EYS: variants seen among roughly 807,000 people sequenced by gnomAD.
The protein encoded by EYS is EGF-like photoreceptor maintenance factor.
EYS carries 250 observed loss-of-function variants against 282.1 expected under a neutral mutation model. That is an observed-to-expected ratio of 0.89 (90% CI 0.80 to 0.98). The LOEUF is 0.98. Ranked by LOEUF, EYS falls within the 50% of genes least tolerant of loss-of-function variation. EYS has a pLI of 0.00. For missense variants in EYS, 4,016 were observed against 3,709.0 expected (o/e 1.08, Z -2.15); for synonymous variants, 1,355 against 1,282.9 (o/e 1.06, Z -1.20).
rs1331493670 is a variant in EYS, at chr6:64,686,759, A to G, written c.3444-60514T>C. 2.4e-4 allele frequency among the ~76,000 whole-genome samples: 4 copies of G among 16,598 alleles called. 1 individual carries two copies. Among genetic ancestry groups the G allele is most frequent in the Admixed American group, 1.2e-3 (2 of 1,708 alleles). The allele number at this position is 16,598 out of a possible 152,430, so 10.9% of individuals were successfully genotyped here. A position where few individuals can be genotyped will look rare whatever the true frequency, so the allele number is the denominator to read the frequency against. On this transcript the variant is annotated intron_variant, in intron 22 of 42. Transcript: ENST00000503581. The stretch of plus-strand genomic sequence containing the variant: ...TCCATCTAAATATATATATATATAT[A>G]TATGTGTGTATATATATATATATAT...
At chr6:64,492,766 A>C (rs1776777062) in intron 26 of EYS, among the ~76,000 whole-genome samples, 1 of 151,262 alleles carries the variant, frequency 6.6e-6, no homozygotes, top group Non-Finnish European at 1.5e-5. Context: ...AGACATGAGG[A>C]AGTAATGTAG....
chr6:65,412,489 A>C (rs1019523921), intron 5 of EYS, among the ~76,000 whole-genome samples: 4 of 152,164 alleles, frequency 2.6e-5, no homozygotes, highest in African/African-American at 9.6e-5. Context: ...CATATGCACC[A>C]GCATTTCGTG....
chr6:65,046,558 G>A (rs1365573991), intron 13 of EYS, among the ~76,000 whole-genome samples: 1 of 151,730 alleles, frequency 6.6e-6, no homozygotes, highest in African/African-American at 2.4e-5. Context: ...TAAAGTCTGA[G>A]CAACATTTTC....
At chr6:64,832,581 G>C (rs1765257706) in intron 19 of EYS, among the ~76,000 whole-genome samples, 1 of 151,788 alleles carries the variant, frequency 6.6e-6, no homozygotes, top group Admixed American at 6.6e-5. Flanking sequence ...AGGATAGGTT[G>C]CATGTTAAAT....
At chr6:65,469,790 G>C (rs908950708) in intron 5 of EYS, among the ~76,000 whole-genome samples, 2 of 151,928 alleles carry the variant, frequency 1.3e-5, no homozygotes, top group African/African-American at 4.8e-5. Flanking sequence ...TTCTTCCTCA[G>C]CTATACATAG....
At chr6:65,316,340 G>C (rs116289793) in intron 11 of EYS, among the ~76,000 whole-genome samples, 16,609 of 151,946 alleles carry the variant, frequency 0.11, 1,378 homozygotes, top group African/African-American at 0.23. Context: ...GGTATTATCT[G>C]AGTTATAGTC....
intron 31 of EYS, among the ~76,000 whole-genome samples, chr6:64,082,346 A>G (rs1281222455): frequency 6.6e-6 from 1 of 152,052 alleles, no homozygotes; most frequent in African/African-American, 2.4e-5. Context: ...ATATTTTGTG[A>G]TGTGAAGGTT....
At chr6:65,229,337 T>C (rs1171464630) in intron 12 of EYS, among the ~76,000 whole-genome samples, 1 of 151,886 alleles carries the variant, frequency 6.6e-6, no homozygotes, top group East Asian at 1.9e-4. Flanking sequence ...ACTTTTTCGT[T>C]GAGCAAGAGA....
intron 30 of EYS, among the ~76,000 whole-genome samples, chr6:64,277,041 T>C (rs1768137654): frequency 6.6e-6 from 1 of 152,152 alleles, no homozygotes; most frequent in Non-Finnish European, 1.5e-5. Flanking sequence ...TGGTAGCATT[T>C]TTGAAATCAT....
At chr6:64,376,709 A>G (rs539218222) in intron 29 of EYS, among the ~76,000 whole-genome samples, 1 of 152,312 alleles carries the variant, frequency 6.6e-6, no homozygotes, top group East Asian at 1.9e-4. Flanking sequence ...TGATTTTCCC[A>G]CAGGCACTTT....
At chr6:64,944,680 C>T (rs557781205) in intron 15 of EYS, among the ~76,000 whole-genome samples, 1 of 152,018 alleles carries the variant, frequency 6.6e-6, no homozygotes, top group Non-Finnish European at 1.5e-5. Flanking sequence ...AAGAGGAAAG[C>T]ATCTTGCAGC....
chr6:64,532,578 A>G (rs536271733), intron 26 of EYS, among the ~76,000 whole-genome samples: 437 of 152,118 alleles, frequency 2.9e-3, no homozygotes, highest in Non-Finnish European at 4.7e-3. Context: ...GCGTGGTGGC[A>G]GGCGCCCGTA....
intron 37 of EYS, among the ~76,000 whole-genome samples, chr6:63,790,641 A>C (rs1770486633): frequency 6.6e-6 from 1 of 152,228 alleles, no homozygotes; most frequent in African/African-American, 2.4e-5. Flanking sequence ...ATGTTTCAAG[A>C]GAAAACATAG....
intron 31 of EYS, among the ~76,000 whole-genome samples, chr6:64,084,553 T>G (rs1772081903): frequency 6.6e-6 from 1 of 152,148 alleles, no homozygotes; most frequent in African/African-American, 2.4e-5. Context: ...GTTTTACAAC[T>G]AGGAATCAAG....
chr6:64,226,794 A>G (rs979041531), intron 31 of EYS, among the ~76,000 whole-genome samples: 89 of 152,090 alleles, frequency 5.9e-4, no homozygotes, highest in African/African-American at 2.0e-3. Context: ...AGAGCAGCAT[A>G]TGATGTAATG....
intron 12 of EYS, among the ~76,000 whole-genome samples, chr6:65,147,262 C>T (rs1312636566): frequency 1.3e-5 from 2 of 151,912 alleles, no homozygotes; most frequent in Non-Finnish European, 2.9e-5. Flanking sequence ...ATATGTTCTC[C>T]ATTTGAGGGA....
At chr6:65,352,786 T>C (rs1424690920) in intron 9 of EYS, among the ~76,000 whole-genome samples, 2 of 151,964 alleles carry the variant, frequency 1.3e-5, no homozygotes, top group Non-Finnish European at 2.9e-5. Flanking sequence ...TCTATTCCTT[T>C]TAGAAGAGAA....
At chr6:65,318,919 G>A (rs1442559983) in intron 11 of EYS, among the ~76,000 whole-genome samples, 5 of 151,088 alleles carry the variant, frequency 3.3e-5, no homozygotes, top group Middle Eastern at 3.4e-3. Flanking sequence ...TGGGATTACC[G>A]TCGTGAGCCA....
At chr6:64,661,572 A>C (rs1270676736) in intron 22 of EYS, among the ~76,000 whole-genome samples, 1 of 152,022 alleles carries the variant, frequency 6.6e-6, no homozygotes, top group Non-Finnish European at 1.5e-5. Context: ...AATTGGGCGA[A>C]GGATATGAAC....
Sources: gnomAD v4.1 joint callset for allele counts (sites outside exome capture counted in the v4.1 genomes callset) on GRCh38, gnomAD v4.1.1 for gene constraint, MANE v1.5 for transcripts, NCBI Gene and HGNC (gene_info 2026-07-23, HGNC 2026-07-21) for gene names.